ZNF273: variants seen among roughly 807,000 people sequenced by gnomAD.
ZNF273 encodes zinc finger protein 273, also known as zinc finger protein 9.
ZNF273 carries 11 observed loss-of-function variants against 14.9 expected under a neutral mutation model. The ratio of observed to expected loss-of-function variants is 0.74; its 90% CI spans 0.46 to 1.22. ZNF273 has a LOEUF of 1.22. ZNF273 is among the 50% of genes most tolerant of loss of function. The probability of loss-of-function intolerance (pLI) is 0.00; values close to 1 mark genes in which losing one functional copy is unlikely to be tolerated. For missense variants in ZNF273, 577 were observed against 660.6 expected (o/e 0.87, Z 1.39); for synonymous variants, 199 against 223.9 (o/e 0.89, Z 0.99).
At chr7:64,909,306 C>G (rs936675832) in intron 1 of ZNF273, among the ~76,000 whole-genome samples, 7 of 151,958 alleles carry the variant, frequency 4.6e-5, no homozygotes, top group African/African-American at 1.7e-4. Context: ...CTCACTGCAG[C>G]CTCCACCACC....
Position 64,912,834 on chromosome 7 carries a change from T to TGTTTGTTTG in ZNF273, c.103-4747_103-4746insGTTTGTTTG, listed in dbSNP as rs1294983195. On this transcript the variant is annotated intron_variant, in intron 1 of 3. Transcript: ENST00000476120. ...ACTCAGGATTCATTTTAGTTTTTTT[T>TGTTTGTTTG]TTTTTTTTTTTTGAGATTGAGTTTC... Among the ~76,000 whole-genome samples the TGTTTGTTTG allele has an allele frequency of 5.2e-4, 52 of 100,066 alleles. 6 individuals are homozygous for TGTTTGTTTG. The highest frequency in any genetic ancestry group is 1.7e-3 in the African/African-American group (51 of 30,180). 65.6% of individuals were successfully genotyped at this position (100,066 alleles called of 152,430 possible).
chr7:64,934,238 T>C (rs1207191934), downstream of ZNF273, among the ~76,000 whole-genome samples: 4 of 152,140 alleles, frequency 2.6e-5, no homozygotes, highest in Non-Finnish European at 5.9e-5. Context: ...GTCACATGTA[T>C]GGTTTGCAAA....
intron 1 of ZNF273, among the ~76,000 whole-genome samples, chr7:64,904,238 G>A (rs1792933468): frequency 6.6e-6 from 1 of 152,232 alleles, no homozygotes; most frequent in South Asian, 2.1e-4. Context: ...ACAGGCGCAC[G>A]CCGCCACGCC....
At chr7:64,888,174 G>C (rs748100265) in intron 1 of ZNF273, among the ~76,000 whole-genome samples, 4 of 152,096 alleles carry the variant, frequency 2.6e-5, no homozygotes, top group Non-Finnish European at 4.4e-5. Context: ...GGGAGCCCCC[G>C]GGGCCCTCAT....
intron 1 of ZNF273, among the ~76,000 whole-genome samples, chr7:64,886,948 G>A (rs887591225): frequency 2.0e-5 from 3 of 152,072 alleles, no homozygotes; most frequent in African/African-American, 7.2e-5. Context: ...TTCTCCCTTG[G>A]CCTGCACACA....
In ZNF273 at chr7:64,929,032, A is replaced by G. The variant is rs1159301820; in HGVS notation, c.1704A>G (p.Lys568=). ...ATAAAAGAAATCATATGGGTGAGAA[A>G]TCCTAGAAATGTGAAGAATGTGACA... ...SRHKRNHMGE[K]S Residue 568 remains lysine, a synonymous_variant, in exon 4 of 4, where the codon AAA becomes AAG. Coordinates refer to ENST00000476120, the MANE Select transcript of ZNF273 (RefSeq NM_021148.3). 6.7e-7 allele frequency: 1 copy of G among 1,492,480 alleles called. No individual in the cohort carries two copies. The highest frequency in any genetic ancestry group is 8.9e-7 in the Non-Finnish European group (1 of 1,125,660). 92.5% of individuals were successfully genotyped at this position (1,492,480 alleles called of 1,614,324 possible).
Position 64,928,346 on chromosome 7 carries a change from C to T in ZNF273, c.1018C>T (p.His340Tyr), listed in dbSNP as rs1318475820. The stretch of plus-strand genomic sequence containing the variant: ...AACCCTTACTAAACATAAGATAATT[C>T]ATACTGGAGAGAAACCCTACAAATG... ...FSTLTKHKII[H>Y]TGEKPYKCNE... The change falls in exon 4 of 4, where the codon CAT becomes TAT. Residue 340 changes from histidine to tyrosine, a missense_variant. Transcript: ENST00000476120. 6.2e-7 allele frequency: 1 copy of T among 1,613,568 alleles called. No homozygotes were observed. The highest frequency in any genetic ancestry group is 1.3e-5 in the African/African-American group (1 of 74,900).
chr7:64,905,017 C>T (rs1240898746), intron 1 of ZNF273, among the ~76,000 whole-genome samples: 1 of 151,446 alleles, frequency 6.6e-6, no homozygotes, highest in Non-Finnish European at 1.5e-5. Context: ...GCTCCTGGGT[C>T]ATTTTCTCCC....
chr7:64,923,420 A>C (rs1249039104), intron 3 of ZNF273: 1 of 453,766 alleles, frequency 2.2e-6, no homozygotes, highest in Non-Finnish European at 4.4e-6. Flanking sequence ...GGGTTACTGC[A>C]ACCTCTGCCC....
downstream of ZNF273, among the ~76,000 whole-genome samples, chr7:64,892,244 G>A (rs977403524): frequency 6.6e-6 from 1 of 152,170 alleles, no homozygotes; most frequent in Admixed American, 6.5e-5. Context: ...CAATTCTCTT[G>A]AATGCTGCCA....
rs751457890 is a variant in ZNF273 at position 64,903,426 on chromosome 7, G to T, written c.102+7G>T. On this transcript the variant is annotated splice_region_variant and intron_variant, in intron 1 of 3. Transcript: ENST00000476120. ...CCCTGGAAGCCTAGAAATGGTGAGA[G>T]TGCCGGGTCCCAGATCCCGAGAGAG... 2 of 1,609,534 alleles carry T rather than the reference G, an allele frequency of 1.2e-6. No individual in the cohort carries two copies. The highest frequency in any genetic ancestry group is 1.7e-6 in the Non-Finnish European group (2 of 1,176,152).
At chr7:64,898,482 G>A (rs1379479405), upstream of ZNF273, among the ~76,000 whole-genome samples, 2 of 152,298 alleles carry the variant, frequency 1.3e-5, no homozygotes, top group East Asian at 3.9e-4. Context: ...AGAAGACTTT[G>A]TCTCATTCAA....
At chr7:64,899,939 T>C (rs1792587328), upstream of ZNF273, among the ~76,000 whole-genome samples, 1 of 151,222 alleles carries the variant, frequency 6.6e-6, no homozygotes, top group Admixed American at 6.6e-5. Flanking sequence ...TTTGTATTTT[T>C]AGTAGAGACG....
chr7:64,908,830 G>T (rs952856584), intron 1 of ZNF273, among the ~76,000 whole-genome samples: 1 of 152,202 alleles, frequency 6.6e-6, no homozygotes, highest in Non-Finnish European at 1.5e-5. Flanking sequence ...CCATGTTGCT[G>T]CAGAGGACAT....
chr7:64,911,631 A>ATTG (rs1554385997), intron 1 of ZNF273, among the ~76,000 whole-genome samples: 3 of 110,852 alleles, frequency 2.7e-5, no homozygotes, highest in Admixed American at 1.0e-4. Context: ...ATTTATTTGA[A>ATTG]TCGTCATTAA....
At chr7:64,915,801 G>A (rs1377456121) in intron 1 of ZNF273, among the ~76,000 whole-genome samples, 1 of 152,140 alleles carries the variant, frequency 6.6e-6, no homozygotes, top group African/African-American at 2.4e-5. Flanking sequence ...GTAATGTTGG[G>A]GTTTCATTTG....
intron 1 of ZNF273, chr7:64,888,214 G>T: frequency 2.4e-6 from 2 of 847,206 alleles, no homozygotes; most frequent in Non-Finnish European, 2.8e-6. Flanking sequence ...CCTGGCTGCT[G>T]CTGCTGCTGC....
intron 3 of ZNF273, among the ~76,000 whole-genome samples, chr7:64,918,739 T>A (rs1794211051): frequency 6.7e-6 from 1 of 150,034 alleles, no homozygotes; most frequent in South Asian, 2.1e-4. Flanking sequence ...AGAGCTGGAT[T>A]TTTTTTTTTC....
At chr7:64,903,594 G>C (rs879937268) in intron 1 of ZNF273, among the ~76,000 whole-genome samples, 175 bp downstream of exon 1, 26 of 152,300 alleles carry the variant, frequency 1.7e-4, no homozygotes, top group South Asian at 1.2e-3. Context: ...TGGCTGCTGG[G>C]CTGGCAGCCG....
Sources: gnomAD v4.1 joint callset for allele counts (sites outside exome capture counted in the v4.1 genomes callset) on GRCh38, gnomAD v4.1.1 for gene constraint, MANE v1.5 for transcripts, NCBI Gene and HGNC (gene_info 2026-07-23, HGNC 2026-07-21) for gene names.